ARPC1A: variants seen among roughly 807,000 people sequenced by gnomAD.
ARPC1A encodes the protein actin related protein 2/3 complex subunit 1A.
A neutral mutation model predicts 46.9 loss-of-function variants in ARPC1A; 8 were observed. The observed-to-expected ratio is 0.17, with a 90% CI of 0.10 to 0.31. The LOEUF (loss-of-function observed/expected upper bound fraction) is 0.31, where lower values mean the gene tolerates loss of function less well. Ranked by LOEUF, ARPC1A falls within the 10% of genes least tolerant of loss-of-function variation. The pLI is 1.00. For synonymous variants in ARPC1A, 152 were observed against 169.0 expected, an observed-to-expected ratio of 0.90 and a Z score of 0.78; for missense variants, 286 against 483.6, an observed-to-expected ratio of 0.59 and a Z score of 3.83.
intron 3 of ARPC1A, among the ~76,000 whole-genome samples, chr7:99,342,475 G>T (rs1217112020): frequency 6.6e-6 from 1 of 151,876 alleles, no homozygotes; most frequent in East Asian, 1.9e-4. Flanking sequence ...AGCCTGGGAG[G>T]TTGAGGCTGC....
Position 99,359,601 on chromosome 7 carries a change from C to T in ARPC1A, c.846C>T (p.Phe282=), listed in dbSNP as rs754555024. ...FNYDDRGCLT[F]VSKLDIPKQS... ...ACGATGACCGCGGCTGCCTGACCTT[C>T]GTCTCCAAGTTAGATATTCCAAAAC... The change falls in exon 8 of 10, where the codon TTC becomes TTT. Residue 282 remains phenylalanine, a synonymous_variant. Transcript: ENST00000262942. 9.9e-6 allele frequency: 16 copies of T among 1,614,044 alleles called. No homozygotes were observed. The South Asian group carries it at 1.1e-4, about 11-fold the overall frequency.
chr7:99,344,867 T>C (rs1001567563), intron 4 of ARPC1A, among the ~76,000 whole-genome samples: 1 of 149,260 alleles, frequency 6.7e-6, no homozygotes, highest in Non-Finnish European at 1.5e-5. Flanking sequence ...ATTTTTTCTT[T>C]TTTTTTTTTT....
Position 99,358,407 on chromosome 7 carries a change from G to T in ARPC1A, c.781G>T (p.Val261Leu). Residue 261 changes from valine (V) to leucine (L), a missense_variant, in exon 7 of 10, where the codon GTG becomes TTG. Val to Leu is a conservative substitution (Grantham distance 32). Transcript: ENST00000262942. Reference sequence around the variant, plus strand: ...GTCATTTGTCTCAGAGAACAGCGTCGTGGCTGCTGTGAGTATTTTTCTTCA... The same window carrying T: ...GTCATTTGTCTCAGAGAACAGCGTCTTGGCTGCTGTGAGTATTTTTCTTCA... ...SVSFVSENSV[V>L]AAGHDCCPML... 1 of 1,614,000 alleles carries T rather than the reference G, an allele frequency of 6.2e-7. No homozygotes were observed.
intron 4 of ARPC1A, among the ~76,000 whole-genome samples, chr7:99,348,060 A>C (rs1793489511): frequency 6.6e-6 from 1 of 152,136 alleles, no homozygotes; most frequent in Non-Finnish European, 1.5e-5. Flanking sequence ...AATCCCCAAC[A>C]TGAGGTTCTT....
intron 8 of ARPC1A, among the ~76,000 whole-genome samples, chr7:99,360,580 G>C (rs1419416000): frequency 6.6e-6 from 1 of 152,066 alleles, no homozygotes; most frequent in Non-Finnish European, 1.5e-5. Flanking sequence ...AACCACCTCA[G>C]CCTCCCAAAT....
In ARPC1A at chr7:99,348,878, C is replaced by T. The variant is rs746134443; in HGVS notation, c.419C>T (p.Pro140Leu). 3.1e-6 allele frequency: 5 copies of T among 1,613,742 alleles called. No homozygotes were observed. Among genetic ancestry groups the T allele is most frequent in the African/African-American group, 1.3e-5 (1 of 74,878 alleles). Residue 140 changes from proline to leucine, a missense_variant, in exon 5 of 10, where the codon CCG (proline) becomes CTG (leucine). Physicochemically the swap from Pro to Leu is moderately conservative, Grantham distance 98. Transcript: ENST00000262942. ...DWWVSKHIKK[P>L]IRSTVLSLDW... ...TGGGTGAGCAAGCACATTAAAAAGC[C>T]GATTCGCTCCACAGTCCTCAGCTTG... is the stretch of plus-strand genomic sequence containing the variant.
rs936169536 is a variant in ARPC1A, at chr7:99,344,636, T to A, written c.392+121T>A. On this transcript the variant is annotated intron_variant, in intron 4 of 9. Coordinates refer to ENST00000262942, the MANE Select transcript of ARPC1A (RefSeq NM_006409.4). ...GAGTTGTGTGGTTTTTTCTCTGAAA[T>A]TCTCGATTCTGTCTGAGCATTTTCC... The A allele has an allele frequency of 5.7e-6, 6 of 1,050,632 alleles. No homozygotes were observed. In the Admixed American group the frequency reaches 7.8e-5, roughly 14 times the overall value. The allele number at this position is 1,050,632 out of a possible 1,614,324, so 65.1% of individuals were successfully genotyped here. A position where few individuals can be genotyped will look rare whatever the true frequency, so the allele number is the denominator to read the frequency against.
intron 1 of ARPC1A, among the ~76,000 whole-genome samples, chr7:99,333,085 C>G (rs778511290): frequency 1.3e-5 from 2 of 152,156 alleles, no homozygotes; most frequent in Non-Finnish European, 2.9e-5. Context: ...TTAGTAGAAA[C>G]TGGGTTTCAC....
intron 4 of ARPC1A, among the ~76,000 whole-genome samples, chr7:99,345,068 GGGATTAC>G (rs952473409): frequency 6.6e-6 from 1 of 151,138 alleles, no homozygotes; most frequent in African/African-American, 2.4e-5. Context: ...CTGAGTAGCT[GGGATTAC>G]AGTCACCTGC....
chr7:99,339,526 C>CA (rs991091605), intron 3 of ARPC1A, among the ~76,000 whole-genome samples: 7 of 151,106 alleles, frequency 4.6e-5, no homozygotes, highest in South Asian at 2.1e-4. Context: ...ACCCTCATCT[C>CA]AAAAAAAAGA....
At chr7:99,339,786 C>T (rs117579085) in intron 3 of ARPC1A, 4,680 of 276,046 alleles carry the variant, frequency 0.017, 63 homozygotes, top group Non-Finnish European at 0.024. Context: ...CATGAAAGTG[C>T]TGAATAGGCA....
chr7:99,348,419 C>T (rs1478296581), intron 4 of ARPC1A, among the ~76,000 whole-genome samples: 8 of 152,068 alleles, frequency 5.3e-5, no homozygotes, highest in Non-Finnish European at 8.8e-5. Flanking sequence ...AGCAATGCAC[C>T]TTGTCAGCTG....
In ARPC1A at chr7:99,343,941, A is replaced by C. The variant is rs539442087; in HGVS notation, c.170-352A>C. ...GAATACAGTTATTTTCACACACACA[A>C]AAATCTAATAAAGAGGAAAGAAAGA... On this transcript the variant is annotated intron_variant, in intron 3 of 9. Transcript: ENST00000262942. Among the ~76,000 whole-genome samples the C allele has an allele frequency of 1.0e-3, 159 of 152,354 alleles. 2 individuals are homozygous for C. The highest frequency in any genetic ancestry group is 1.6e-3 in the Admixed American group (25 of 15,298).
rs758335397 is a variant in ARPC1A at position 99,363,649 on chromosome 7, C to T, written c.1074+16C>T. On this transcript the variant is annotated intron_variant, in intron 9 of 9. Transcript: ENST00000262942. The stretch of plus-strand genomic sequence containing the variant: ...GGATTTCAAGGTATTTTCTACCTAA[C>T]AGAACAAATTTTGTTTGTGTTAAAA... 2.0e-6 allele frequency: 3 copies of T among 1,521,086 alleles called. No individual in the cohort carries two copies. Among genetic ancestry groups the T allele is most frequent in the Non-Finnish European group, 2.7e-6 (3 of 1,117,214 alleles). The allele number at this position is 1,521,086 out of a possible 1,614,324, so 94.2% of individuals were successfully genotyped here. A position where few individuals can be genotyped will look rare whatever the true frequency, so the allele number is the denominator to read the frequency against.
rs140764646 is a variant in ARPC1A at position 99,358,456 on chromosome 7, G to C, written c.789+41G>C. On this transcript the variant is annotated intron_variant, in intron 7 of 9. Transcript: ENST00000262942. ...CATTCTCCCTCGGGGTGCACTGTAT[G>C]TGATGCTCAGACAGGGAACAATGTG... The C allele has an allele frequency of 1.9e-4, 300 of 1,559,042 alleles. No individual in the cohort carries two copies. In the African/African-American group the frequency reaches 3.8e-3, roughly 20 times the overall value.
rs530526474 is a variant in ARPC1A, at chr7:99,332,576, A to G, written c.-29-749A>G. Among the ~76,000 whole-genome samples the G allele has an allele frequency of 2.9e-4, 44 of 152,224 alleles. No homozygotes were observed. The South Asian group carries it at 7.3e-3, about 25-fold the overall frequency. On this transcript the variant is annotated intron_variant, in intron 1 of 9. Transcript: ENST00000262942. The stretch of plus-strand genomic sequence containing the variant: ...AGTTGTTACAATGCTAGATTTATTC[A>G]GATGGTTAAGTTTTGACAATGAGAT...
chr7:99,350,089 G>C (rs116082704), intron 5 of ARPC1A, among the ~76,000 whole-genome samples: 2 of 152,176 alleles, frequency 1.3e-5, no homozygotes, highest in African/African-American at 4.8e-5. Flanking sequence ...GTGATTAAAA[G>C]AACAAGTTCA....
intron 5 of ARPC1A, among the ~76,000 whole-genome samples, chr7:99,349,391 T>C (rs1353852323): frequency 6.6e-6 from 1 of 151,824 alleles, no homozygotes; most frequent in Non-Finnish European, 1.5e-5. Flanking sequence ...TGCAAGGTAC[T>C]GCGCTAGGCA....
chr7:99,357,229 C>T (rs1793651486), intron 6 of ARPC1A, among the ~76,000 whole-genome samples: 1 of 152,140 alleles, frequency 6.6e-6, no homozygotes, highest in Non-Finnish European at 1.5e-5. Context: ...TCCACCTTTC[C>T]ACTCCTCCAA....
Sources: allele counts gnomAD v4.1 joint callset (sites outside exome capture counted in the v4.1 genomes callset), GRCh38; gene constraint gnomAD v4.1.1; transcripts MANE v1.5; gene names NCBI Gene and HGNC (gene_info 2026-07-23, HGNC 2026-07-21).